SOX13: variants seen among roughly 807,000 people sequenced by gnomAD.
The protein encoded by SOX13 is SRY-box transcription factor 13.
A neutral mutation model predicts 71.8 loss-of-function variants in SOX13; 28 were observed. The ratio of observed to expected loss-of-function variants is 0.39; its 90% CI spans 0.29 to 0.53. The LOEUF is 0.53. SOX13 is among the 20% of genes least tolerant of loss of function. The pLI is 0.70. For missense variants in SOX13, 627 were observed against 810.3 expected, an observed-to-expected ratio of 0.77 and a Z score of 2.75; for synonymous variants, 309 against 317.8, an observed-to-expected ratio of 0.97 and a Z score of 0.29.
chr1:204,101,526 G>A (rs2102241911), intron 1 of SOX13, among the ~76,000 whole-genome samples: 1 of 132,268 alleles, frequency 7.6e-6, no homozygotes, highest in Non-Finnish European at 1.6e-5. Flanking sequence ...AAAGTGGCAG[G>A]AGGCCTTGGA....
chr1:204,085,858 T>TA (rs1656006507), intron 1 of SOX13, among the ~76,000 whole-genome samples: 1 of 150,902 alleles, frequency 6.6e-6, no homozygotes, highest in Non-Finnish European at 1.5e-5. Context: ...CGGGGGCCTG[T>TA]AGTCCCAGCT....
At chr1:204,120,949 T>C (rs1401116273) in intron 7 of SOX13, among the ~76,000 whole-genome samples, 2 of 151,954 alleles carry the variant, frequency 1.3e-5, no homozygotes, top group African/African-American at 4.8e-5. Context: ...TTTCTTCTTA[T>C]TTTTATTTTT....
intron 1 of SOX13, among the ~76,000 whole-genome samples, chr1:204,107,856 C>T (rs544612552): frequency 5.9e-5 from 9 of 152,300 alleles, no homozygotes; most frequent in Middle Eastern, 3.4e-3. Context: ...TGGAAGGGCC[C>T]TTGTCTGGGC....
chr1:204,117,736 T>C (rs1342327098), intron 7 of SOX13, 29 bp downstream of exon 7: 1 of 1,494,234 alleles, frequency 6.7e-7, no homozygotes, highest in South Asian at 1.2e-5. Context: ...GTTCCACCAC[T>C]GCGGCCAGCC....
intron 1 of SOX13, among the ~76,000 whole-genome samples, chr1:204,089,115 T>C (rs1656083855): frequency 6.7e-6 from 1 of 148,722 alleles, no homozygotes; most frequent in Admixed American, 6.7e-5. Context: ...TCTCTGTTAC[T>C]AGCAATTTAT....
chr1:204,092,299 C>G (rs1221635563), intron 1 of SOX13, among the ~76,000 whole-genome samples: 2 of 151,904 alleles, frequency 1.3e-5, no homozygotes, highest in Non-Finnish European at 2.9e-5. Context: ...TGTAGGCCCA[C>G]CACACCTGGC....
At chr1:204,114,761 C>T (rs1003710743) in intron 4 of SOX13, among the ~76,000 whole-genome samples, 156 bp downstream of exon 4, 1 of 152,152 alleles carries the variant, frequency 6.6e-6, no homozygotes, top group Non-Finnish European at 1.5e-5. Flanking sequence ...CATCCCTCGC[C>T]TGGAGGCCCC....
intron 1 of SOX13, among the ~76,000 whole-genome samples, chr1:204,080,307 A>T (rs1024258990): frequency 4.0e-5 from 6 of 151,620 alleles, no homozygotes; most frequent in Non-Finnish European, 8.8e-5. Context: ...GGGGAGGGGT[A>T]TTGGTGTTAC....
At chr1:204,089,041 G>A (rs1656083000) in intron 1 of SOX13, among the ~76,000 whole-genome samples, 1 of 152,076 alleles carries the variant, frequency 6.6e-6, no homozygotes, top group Non-Finnish European at 1.5e-5. Context: ...AGGAAACAGT[G>A]TTGAGAATGA....
In SOX13 at chr1:204,126,003, C is replaced by T; in HGVS notation, c.1738C>T (p.Leu580Phe). 1.2e-6 allele frequency: 2 copies of T among 1,613,956 alleles called. No homozygotes were observed. Among genetic ancestry groups the T allele is most frequent in the Non-Finnish European group, 1.7e-6 (2 of 1,179,882 alleles). Residue 580 changes from leucine (L) to phenylalanine (F), a missense_variant, in exon 14 of 14, where the codon CTC (leucine) becomes TTC (phenylalanine). By Grantham distance (22) the Leu-to-Phe change is conservative. Around this residue, in one of 3 missense-constraint regions of SOX13, gnomAD observed 148 missense variants for 192.7 expected, o/e 0.77. Transcript: ENST00000367204. ...NMPVIVNTCS[L>F]REEGEGTDDR... Reference sequence around the variant, plus strand: ...GCCTGTGATCGTCAACACCTGCAGCCTCAGAGAGGAGGGTGAGGGCACAGA... The same window carrying T: ...GCCTGTGATCGTCAACACCTGCAGCTTCAGAGAGGAGGGTGAGGGCACAGA...
intron 1 of SOX13, among the ~76,000 whole-genome samples, chr1:204,111,307 G>A (rs1160423649): frequency 2.6e-5 from 4 of 152,230 alleles, no homozygotes; most frequent in Non-Finnish European, 5.9e-5. Context: ...TTGAAGTACA[G>A]AGCAGCTAAG....
chr1:204,105,309 T>C (rs1388831820), intron 1 of SOX13, among the ~76,000 whole-genome samples: 1 of 151,770 alleles, frequency 6.6e-6, no homozygotes, highest in Non-Finnish European at 1.5e-5. Flanking sequence ...GGAAGAAGAA[T>C]GGAAGAGGGA....
intron 1 of SOX13, among the ~76,000 whole-genome samples, chr1:204,111,730 G>T (rs577947922): frequency 5.2e-5 from 6 of 115,886 alleles, no homozygotes; most frequent in African/African-American, 1.7e-4. Flanking sequence ...TTTTTAAAGA[G>T]ATGGGAGTCT....
At chr1:204,120,304 G>A (rs1257679964) in intron 7 of SOX13, among the ~76,000 whole-genome samples, 1 of 152,234 alleles carries the variant, frequency 6.6e-6, no homozygotes, top group Non-Finnish European at 1.5e-5. Flanking sequence ...GAGGAGAGCT[G>A]TGGAGGCAAG....
Position 204,114,438 on chromosome 1 carries a change from A to T in SOX13, c.331+6A>T, listed in dbSNP as rs750518609. ...CAACCGAAATTTGAAAGAAGGTAGG[A>T]TGTCTGCCCTAGTTAGAAGCAGAGG... On this transcript the variant is annotated splice_donor_region_variant and intron_variant, in intron 3 of 13. Transcript: ENST00000367204. 6.2e-7 allele frequency: 1 copy of T among 1,610,698 alleles called. No homozygotes were observed. The highest frequency in any genetic ancestry group is 8.5e-7 in the Non-Finnish European group (1 of 1,177,046).
chr1:204,091,721 TGTGTGC>T (rs1221344603), intron 1 of SOX13, among the ~76,000 whole-genome samples: 3 of 127,074 alleles, frequency 2.4e-5, no homozygotes, highest in East Asian at 2.3e-4. Context: ...TCGTTTTCTT[TGTGTGC>T]GTGTGCGTGT....
At chr1:204,116,259 G>A in intron 4 of SOX13, 2 of 1,463,912 alleles carry the variant, frequency 1.4e-6, no homozygotes, top group Non-Finnish European at 1.8e-6. Context: ...CCCACTGTCA[G>A]CATTTTCAGG....
In SOX13 at chr1:204,116,592, A is replaced by T. The variant is rs748052075; in HGVS notation, c.504A>T (p.Thr168=). 2 of 1,614,050 alleles carry T rather than the reference A, an allele frequency of 1.2e-6. No individual in the cohort carries two copies. The highest frequency in any genetic ancestry group is 1.1e-5 in the South Asian group (1 of 91,084). Residue 168 remains threonine (T), a synonymous_variant, in exon 5 of 14, where the codon ACA becomes ACT. Transcript: ENST00000367204. ...QLSTLRDQLL[T]AHSEQKNMAA... ...CCACCCTGCGGGACCAGCTCCTGAC[A>T]GCCCACTCGGAGCAGAAGAACATGG...
At chr1:204,106,541 G>T (rs1656474368) in intron 1 of SOX13, among the ~76,000 whole-genome samples, 1 of 144,646 alleles carries the variant, frequency 6.9e-6, no homozygotes, top group African/African-American at 2.7e-5. Context: ...TTTTTGAGAA[G>T]GAGTTTTCGC....
Sources: allele counts gnomAD v4.1 joint callset (sites outside exome capture counted in the v4.1 genomes callset), GRCh38; gene constraint gnomAD v4.1.1; regional missense constraint gnomAD v4.1.1; transcripts MANE v1.5; gene names NCBI Gene and HGNC (gene_info 2026-07-23, HGNC 2026-07-21).